TRDN: variants seen among roughly 807,000 people sequenced by gnomAD.
TRDN encodes the protein triadin in skeletal muscle.
TRDN carries 161 observed loss-of-function variants against 149.7 expected under a neutral mutation model. That is an observed-to-expected ratio of 1.08 (90% CI 0.95 to 1.23). The LOEUF (loss-of-function observed/expected upper bound fraction) is 1.23, where lower values mean the gene tolerates loss of function less well. TRDN is among the 50% of genes most tolerant of loss of function. The pLI is 0.00. For synonymous variants in TRDN, 294 were observed against 250.5 expected (o/e 1.17, Z -1.64); for missense variants, 896 against 823.5 (o/e 1.09, Z -1.08).
At chr6:123,256,622 A>G (rs1776572407) in intron 35 of TRDN, among the ~76,000 whole-genome samples, 1 of 150,618 alleles carries the variant, frequency 6.6e-6, no homozygotes, top group Non-Finnish European at 1.5e-5. Context: ...TCTTTTGAGA[A>G]GTGTCTGTTC....
intron 20 of TRDN, among the ~76,000 whole-genome samples, chr6:123,356,503 TTATATATATATA>T (rs71021444): frequency 0.016 from 1,699 of 106,888 alleles, 32 homozygotes; most frequent in African/African-American, 0.038. Flanking sequence ...TACAAGAAGT[TTATATATATATA>T]TATATATATA....
At chr6:123,362,104 T>A (rs1485087639) in intron 20 of TRDN, among the ~76,000 whole-genome samples, 1 of 152,208 alleles carries the variant, frequency 6.6e-6, no homozygotes, top group Non-Finnish European at 1.5e-5. Context: ...TGGCAGCCAG[T>A]CTGAAGAACG....
chr6:123,335,240 G>T (rs193160100), intron 22 of TRDN, among the ~76,000 whole-genome samples: 1 of 151,880 alleles, frequency 6.6e-6, no homozygotes, highest in South Asian at 2.1e-4. Flanking sequence ...CATTAATGCA[G>T]TTTGAATTAA....
chr6:123,499,719 A>AATATATATATATAT (rs71272328), intron 8 of TRDN, among the ~76,000 whole-genome samples: 16 of 47,632 alleles, frequency 3.4e-4, no homozygotes, highest in Non-Finnish European at 4.5e-4. Flanking sequence ...AAAAAAAAAA[A>AATATATATATATAT]ATATATATAT....
chr6:123,467,197 A>C (rs1324682281), intron 9 of TRDN, among the ~76,000 whole-genome samples: 1 of 152,000 alleles, frequency 6.6e-6, no homozygotes, highest in Non-Finnish European at 1.5e-5. Context: ...AATCGTATAT[A>C]CTAAGGATAT....
intron 19 of TRDN, among the ~76,000 whole-genome samples, chr6:123,374,529 CTT>C (rs1781435205): frequency 6.6e-6 from 1 of 152,110 alleles, no homozygotes; most frequent in Admixed American, 6.6e-5. Context: ...TTAAACCTCT[CTT>C]GTAAAGTTCT....
chr6:123,303,018 A>C lies in TRDN; in HGVS notation c.1510+13439T>G, dbSNP rs374956421. On this transcript the variant is annotated intron_variant, in intron 24 of 40. Transcript: ENST00000334268. ...TATGTCACATTTAGATATGCATTAC[A>C]TTGCTAAATTTTTACAATAAATTTG... Among the ~76,000 whole-genome samples the C allele has an allele frequency of 3.9e-4, 59 of 152,242 alleles. No homozygotes were observed. In the South Asian group the frequency reaches 0.012, roughly 31 times the overall value.
chr6:123,582,264 A>T (rs931974715), intron 1 of TRDN, among the ~76,000 whole-genome samples: 2 of 152,024 alleles, frequency 1.3e-5, no homozygotes, highest in African/African-American at 4.8e-5. Context: ...GTTAAGTAAG[A>T]GTTAGTTTAT....
intron 21 of TRDN, chr6:123,351,675 A>G: frequency 4.2e-6 from 4 of 945,082 alleles, no homozygotes; most frequent in Non-Finnish European, 5.0e-6. Flanking sequence ...TATTTATGTC[A>G]AAAGATCTTA....
chr6:123,289,622 G>A (rs1458958723), intron 24 of TRDN, among the ~76,000 whole-genome samples: 2 of 152,110 alleles, frequency 1.3e-5, no homozygotes, highest in Non-Finnish European at 2.9e-5. Context: ...CCATGGCAAT[G>A]TCCTAGTGAT....
At chr6:123,388,695 G>T in intron 13 of TRDN, 144 bp from the exon 14 acceptor site, 1 of 843,438 alleles carries the variant, frequency 1.2e-6, no homozygotes, top group Non-Finnish European at 1.8e-6. Flanking sequence ...TGATAGGAGT[G>T]TAAGCAGAAA....
intron 5 of TRDN, among the ~76,000 whole-genome samples, chr6:123,529,797 C>G (rs1367407169): frequency 1.3e-5 from 2 of 151,936 alleles, no homozygotes; most frequent in African/African-American, 4.8e-5. Flanking sequence ...GTGAAACTGA[C>G]CATTGGGAAA....
intron 4 of TRDN, among the ~76,000 whole-genome samples, chr6:123,534,860 T>A (rs888531826): frequency 1.3e-5 from 2 of 152,096 alleles, no homozygotes; most frequent in African/African-American, 4.8e-5. Flanking sequence ...GAGGATCACT[T>A]TACTTAAACC....
intron 21 of TRDN, among the ~76,000 whole-genome samples, chr6:123,348,028 T>A (rs1367668): frequency 2.0e-5 from 3 of 152,024 alleles, no homozygotes; most frequent in African/African-American, 7.2e-5. Flanking sequence ...CAATGTAAAG[T>A]CTTGAAATGA....
At chr6:123,458,278 C>T (rs1014493104) in intron 10 of TRDN, among the ~76,000 whole-genome samples, 7 of 152,094 alleles carry the variant, frequency 4.6e-5, no homozygotes, top group South Asian at 2.1e-4. Flanking sequence ...TGCATCAATT[C>T]GGGTAGGCTT....
intron 1 of TRDN, among the ~76,000 whole-genome samples, chr6:123,600,193 T>G (rs1488217408): frequency 6.6e-6 from 1 of 152,060 alleles, no homozygotes; most frequent in Non-Finnish European, 1.5e-5. Context: ...TGCCCTTTTG[T>G]GTTACCGTTC....
chr6:123,516,429 C>T (rs1779413032), intron 5 of TRDN, among the ~76,000 whole-genome samples: 1 of 151,928 alleles, frequency 6.6e-6, no homozygotes, highest in South Asian at 2.1e-4. Flanking sequence ...GTACCCAAAC[C>T]AAGTCTGATT....
intron 24 of TRDN, among the ~76,000 whole-genome samples, chr6:123,301,772 T>TATATATATATACATATATATATATACAC (rs1562252307): frequency 8.0e-6 from 1 of 124,876 alleles, no homozygotes; most frequent in African/African-American, 2.9e-5. Context: ...TATATATACA[T>TATATATATATACATATATATATATACAC]ATATATATAT....
intron 2 of TRDN, among the ~76,000 whole-genome samples, chr6:123,556,703 T>C (rs2114476790): frequency 6.6e-6 from 1 of 151,874 alleles, no homozygotes; most frequent in East Asian, 1.9e-4. Flanking sequence ...TCTCACTCAC[T>C]CTCTCTCCTT....
Sources: gnomAD v4.1 joint callset for allele counts (sites outside exome capture counted in the v4.1 genomes callset) on GRCh38, gnomAD v4.1.1 for gene constraint, MANE v1.5 for transcripts, NCBI Gene and HGNC (gene_info 2026-07-23, HGNC 2026-07-21) for gene names.